GALNT13: variants seen among roughly 807,000 people sequenced by gnomAD.
GALNT13 encodes UDP-GalNAc:polypeptide N-acetylgalactosaminyltransferase 13.
A neutral mutation model predicts 64.2 loss-of-function variants in GALNT13; 28 were observed. The ratio of observed to expected loss-of-function variants is 0.44; its 90% confidence interval spans 0.32 to 0.60. The LOEUF is 0.60. Among genes scored for constraint, GALNT13 ranks in the 20% least tolerant of loss-of-function variants. The pLI, the probability that GALNT13 is intolerant of heterozygous loss-of-function variation, is 0.05. For synonymous variants in GALNT13, 214 were observed against 224.6 expected (o/e 0.95, Z 0.42); for missense variants, 577 against 669.8 (o/e 0.86, Z 1.53).
the GALNT13 span, among the ~76,000 whole-genome samples, chr2:153,220,598 A>T: frequency 3.3e-5 from 5 of 152,368 alleles, no homozygotes; most frequent in South Asian, 1.0e-3. Context: ...GCAGGCCAGC[A>T]TATATAATCC....
intron 9 of GALNT13, among the ~76,000 whole-genome samples, chr2:154,316,164 A>G (rs1694309102): frequency 6.6e-6 from 1 of 152,214 alleles, no homozygotes; most frequent in Non-Finnish European, 1.5e-5. Flanking sequence ...AGATAAATGA[A>G]GTTAGAATGA....
At chr2:153,748,059 G>C in the GALNT13 span, among the ~76,000 whole-genome samples, 1 of 151,932 alleles carries the variant, frequency 6.6e-6, no homozygotes, top group Admixed American at 6.6e-5. Context: ...ATATTAGTTT[G>C]GTGCAAAAGT....
At chr2:154,259,982 G>C (rs988624064) in intron 8 of GALNT13, among the ~76,000 whole-genome samples, 11 of 151,990 alleles carry the variant, frequency 7.2e-5, no homozygotes, top group Admixed American at 4.6e-4. Context: ...TCCAGGGCTC[G>C]GGTGATCCTC....
chr2:153,421,387 A>C, the GALNT13 span: 1 of 227,648 alleles, frequency 4.4e-6, no homozygotes, highest in Non-Finnish European at 9.9e-6. Flanking sequence ...ATTGTCTACT[A>C]TGAAGGCACA....
the GALNT13 span, among the ~76,000 whole-genome samples, chr2:153,684,259 A>G: frequency 3.3e-5 from 5 of 151,510 alleles, no homozygotes; most frequent in Non-Finnish European, 5.9e-5. Flanking sequence ...TGTTTTCTTT[A>G]TGTTATTTCC....
At chr2:154,368,761 C>T (rs192110702) in intron 9 of GALNT13, among the ~76,000 whole-genome samples, 3 of 152,216 alleles carry the variant, frequency 2.0e-5, no homozygotes, top group South Asian at 2.1e-4. Flanking sequence ...AGGAAACTCT[C>T]GGTAAATGTT....
At chr2:153,921,080 A>G (rs1239721014) in intron 2 of GALNT13, among the ~76,000 whole-genome samples, 2 of 152,148 alleles carry the variant, frequency 1.3e-5, no homozygotes, top group African/African-American at 4.8e-5. Flanking sequence ...TTCTTAAAGA[A>G]CTTGAAACAG....
chr2:154,275,629 T>A (rs1691603429), intron 8 of GALNT13, among the ~76,000 whole-genome samples: 1 of 152,186 alleles, frequency 6.6e-6, no homozygotes, highest in Admixed American at 6.5e-5. Context: ...AGTGGAGCCC[T>A]CATGGAGACC....
chr2:153,241,600 A>G, the GALNT13 span, among the ~76,000 whole-genome samples: 5 of 152,034 alleles, frequency 3.3e-5, no homozygotes. Context: ...GAGCCCAGAA[A>G]CCTGGTATAC....
the GALNT13 span, among the ~76,000 whole-genome samples, chr2:153,829,096 C>T: frequency 5.5e-3 from 837 of 152,200 alleles, 6 homozygotes; most frequent in African/African-American, 0.019. Flanking sequence ...TGGTCAAAGC[C>T]ATTCAACAAG....
the GALNT13 span, among the ~76,000 whole-genome samples, chr2:153,469,671 G>T: frequency 6.6e-6 from 1 of 152,004 alleles, no homozygotes. Flanking sequence ...TGTGCTTACC[G>T]GGCAGCATTT....
At chr2:153,670,207 G>T in the GALNT13 span, among the ~76,000 whole-genome samples, 1 of 152,170 alleles carries the variant, frequency 6.6e-6, no homozygotes, top group East Asian at 1.9e-4. Context: ...CCAGCATGGC[G>T]TTCGAGCTCC....
chr2:153,545,377 CATCTT>C, the GALNT13 span, among the ~76,000 whole-genome samples: 946 of 152,278 alleles, frequency 6.2e-3, 10 homozygotes, highest in African/African-American at 0.021. Context: ...TCCATGTACA[CATCTT>C]AGCCACGACT....
the GALNT13 span, among the ~76,000 whole-genome samples, chr2:153,523,043 A>AT: frequency 0.041 from 3,388 of 83,326 alleles, 269 homozygotes; most frequent in East Asian, 0.22. Flanking sequence ...TGTGTTTACT[A>AT]TTTTTTTTTT....
intron 9 of GALNT13, among the ~76,000 whole-genome samples, chr2:154,363,522 C>T (rs1308070483): frequency 2.6e-5 from 4 of 152,044 alleles, no homozygotes; most frequent in Non-Finnish European, 1.5e-5. Flanking sequence ...CACTGTTCTG[C>T]ACACTCTGAC....
upstream of GALNT13, among the ~76,000 whole-genome samples, chr2:153,871,597 A>C (rs1289210710): frequency 6.6e-6 from 1 of 152,126 alleles, no homozygotes. Flanking sequence ...CAAAGCGGCC[A>C]GGGGTCGCGA....
At chr2:154,093,700 G>A (rs756971246) in intron 3 of GALNT13, among the ~76,000 whole-genome samples, 1 of 150,192 alleles carries the variant, frequency 6.7e-6, no homozygotes, top group Non-Finnish European at 1.5e-5. Flanking sequence ...ACTCTTATGG[G>A]AATTCCAGAT....
At chr2:154,229,340 G>T (rs1231729690) in intron 4 of GALNT13, among the ~76,000 whole-genome samples, 1 of 151,518 alleles carries the variant, frequency 6.6e-6, no homozygotes, top group African/African-American at 2.4e-5. Flanking sequence ...CAAAACTTTT[G>T]CTGAGTATGT....
At chr2:153,674,019 G>A in the GALNT13 span, among the ~76,000 whole-genome samples, 1 of 152,266 alleles carries the variant, frequency 6.6e-6, no homozygotes, top group South Asian at 2.1e-4. Flanking sequence ...TCTTCAAGGA[G>A]AACTACAAAC....
Sources: gnomAD v4.1 joint callset for allele counts (sites outside exome capture counted in the v4.1 genomes callset) on GRCh38, gnomAD v4.1.1 for gene constraint, MANE v1.5 for transcripts, NCBI Gene and HGNC (gene_info 2026-07-23, HGNC 2026-07-21) for gene names.